DOCK1: variants seen among roughly 807,000 people sequenced by gnomAD.
The protein encoded by DOCK1 is dedicator of cytokinesis 1.
Under a neutral mutation model 262.7 loss-of-function variants are expected in DOCK1, and 138 were observed. The observed-to-expected ratio is 0.53, with a 90% confidence interval of 0.46 to 0.61. The LOEUF (loss-of-function observed/expected upper bound fraction) is 0.61, where lower values mean the gene tolerates loss of function less well. Ranked by LOEUF, DOCK1 falls within the 20% of genes least tolerant of loss-of-function variation. The pLI is 0.00. For synonymous variants in DOCK1, 866 were observed against 867.4 expected (o/e 1.00, Z 0.03); for missense variants, 1,908 against 2,370.7 (o/e 0.80, Z 4.05).
At chr10:127,146,126 C>A (rs1324251347) in intron 27 of DOCK1, 2 of 489,824 alleles carry the variant, frequency 4.1e-6, no homozygotes, top group Admixed American at 2.1e-5. Flanking sequence ...TTATCTTTAT[C>A]TTCCCATGAA....
chr10:127,093,650 A>G (rs1459245531), intron 23 of DOCK1, among the ~76,000 whole-genome samples: 1 of 149,186 alleles, frequency 6.7e-6, no homozygotes, highest in Non-Finnish European at 1.5e-5. Context: ...CATCGCACCC[A>G]TGGCCTTTTT....
intron 33 of DOCK1, among the ~76,000 whole-genome samples, chr10:127,363,947 A>G (rs1048956629): frequency 1.3e-5 from 2 of 152,256 alleles, no homozygotes; most frequent in African/African-American, 4.8e-5. Context: ...GGCATGAAAT[A>G]GAATCTACCA....
chr10:127,358,734 G>T (rs1352349143), intron 32 of DOCK1, among the ~76,000 whole-genome samples: 1 of 152,168 alleles, frequency 6.6e-6, no homozygotes, highest in African/African-American at 2.4e-5. Context: ...TGGCCAGGTG[G>T]TGGAAGCTTT....
chr10:127,403,005 G>A, intron 38 of DOCK1, 50 bp from the exon 39 acceptor site: 1 of 1,512,674 alleles, frequency 6.6e-7, no homozygotes, highest in Non-Finnish European at 9.0e-7. Flanking sequence ...TTGACTCTTT[G>A]CACAATTCAG....
At chr10:127,371,517 T>C (rs995174124) in intron 33 of DOCK1, among the ~76,000 whole-genome samples, 1 of 152,204 alleles carries the variant, frequency 6.6e-6, no homozygotes, top group African/African-American at 2.4e-5. Context: ...CACTCTGTGT[T>C]CAGATCCCTT....
At chr10:127,147,471 T>A (rs1182118856) in intron 27 of DOCK1, among the ~76,000 whole-genome samples, 1 of 152,134 alleles carries the variant, frequency 6.6e-6, no homozygotes, top group Non-Finnish European at 1.5e-5. Context: ...CTCGCCTGCC[T>A]TTTACGTCCT....
At chr10:127,127,238 A>G (rs1328684255) in intron 26 of DOCK1, among the ~76,000 whole-genome samples, 2 of 152,230 alleles carry the variant, frequency 1.3e-5, no homozygotes, top group African/African-American at 4.8e-5. Flanking sequence ...AGTTTGCTAA[A>G]TGCTGTTTAA....
intron 29 of DOCK1, among the ~76,000 whole-genome samples, chr10:127,289,274 G>A (rs1161858894): frequency 6.6e-6 from 1 of 152,120 alleles, no homozygotes; most frequent in Admixed American, 6.5e-5. Context: ...CTGGCGTGTT[G>A]TAGTATATAG....
intron 7 of DOCK1, 150 bp from the exon 8 acceptor site, chr10:126,997,942 T>C: frequency 2.1e-6 from 2 of 961,734 alleles, no homozygotes; most frequent in Non-Finnish European, 3.1e-6. Context: ...TTTAAGAATG[T>C]GCAGGGGAGA....
At chr10:127,441,862 C>G (rs11018088) in intron 49 of DOCK1, among the ~76,000 whole-genome samples, 58,703 of 151,986 alleles carry the variant, frequency 0.39, 12,327 homozygotes, top group Non-Finnish European at 0.49. Flanking sequence ...CCTCTCCAGC[C>G]AGAGCCTCCA....
At chr10:127,214,936 G>GT in intron 27 of DOCK1, among the ~76,000 whole-genome samples, 1 of 152,272 alleles carries the variant, frequency 6.6e-6, no homozygotes, top group South Asian at 2.1e-4. Context: ...GAATATGGTA[G>GT]TGAGAATCTA....
intron 27 of DOCK1, among the ~76,000 whole-genome samples, chr10:127,152,820 T>G (rs1157710630): frequency 1.3e-5 from 2 of 152,188 alleles, no homozygotes; most frequent in Non-Finnish European, 2.9e-5. Flanking sequence ...TTCTTCTGCC[T>G]CCTCCCAGAC....
At chr10:127,000,656 G>A (rs990242064) in intron 10 of DOCK1, 11 of 194,350 alleles carry the variant, frequency 5.7e-5, no homozygotes, top group Admixed American at 1.7e-4. Flanking sequence ...TGTGCAGGAC[G>A]GTCAAAGCAA....
At chr10:126,949,814 G>A (rs2036033056) in intron 1 of DOCK1, among the ~76,000 whole-genome samples, 1 of 151,986 alleles carries the variant, frequency 6.6e-6, no homozygotes, top group Non-Finnish European at 1.5e-5. Flanking sequence ...CATGTCTCTG[G>A]CTGGTTTTAT....
chr10:127,418,891 A>C (rs146016558), intron 45 of DOCK1, among the ~76,000 whole-genome samples: 9 of 152,220 alleles, frequency 5.9e-5, no homozygotes, highest in Admixed American at 3.3e-4. Flanking sequence ...TATCAGGACT[A>C]GGGAGGTAGC....
rs576261967 is a variant in DOCK1 at position 127,096,989 on chromosome 10, T to C, written c.2446-9242T>C. On this transcript the variant is annotated intron_variant, in intron 23 of 51. Coordinates refer to ENST00000623213, the MANE Select transcript of DOCK1 (RefSeq NM_001290223.2). The stretch of plus-strand genomic sequence containing the variant: ...GCATGGTGGCACACACCTGTAATTC[T>C]AGCTACTCAGGAGGCTGAGACAGGA... Among the ~76,000 whole-genome samples, 25 of 152,096 alleles carry C rather than the reference T, an allele frequency of 1.6e-4. 1 individual carries two copies. The East Asian group carries it at 3.7e-3, about 22-fold the overall frequency.
chr10:127,268,924 G>T (rs2060468989), intron 29 of DOCK1, among the ~76,000 whole-genome samples: 1 of 152,146 alleles, frequency 6.6e-6, no homozygotes, highest in Non-Finnish European at 1.5e-5. Context: ...TGCTTGGGCT[G>T]CCAGCCTCTA....
chr10:127,122,392 G>A (rs2049651520), intron 25 of DOCK1, among the ~76,000 whole-genome samples: 1 of 152,262 alleles, frequency 6.6e-6, no homozygotes, highest in East Asian at 1.9e-4. Flanking sequence ...CAGTGACCTG[G>A]TTCTGTTTTG....
intron 6 of DOCK1, among the ~76,000 whole-genome samples, chr10:126,992,760 A>ACACACACG (rs1479341776): frequency 0.038 from 5,543 of 146,092 alleles, 133 homozygotes; most frequent in Middle Eastern, 0.1. Context: ...ACACACACAC[A>ACACACACG]CACAGACAGA....
Sources: allele counts gnomAD v4.1 joint callset (sites outside exome capture counted in the v4.1 genomes callset), GRCh38; gene constraint gnomAD v4.1.1; transcripts MANE v1.5; gene names NCBI Gene and HGNC (gene_info 2026-07-23, HGNC 2026-07-21).